The following NARS2 variants were observed in gnomAD, a reference collection of about 807,000 sequenced individuals.
NARS2 encodes the protein asparaginyl-tRNA synthetase.
Under a neutral mutation model 62.9 loss-of-function variants are expected in NARS2, and 60 were observed. That is an observed-to-expected ratio of 0.95 (90% CI 0.77 to 1.18). The LOEUF (loss-of-function observed/expected upper bound fraction) is 1.18, where lower values mean the gene tolerates loss of function less well. Ranked by LOEUF, NARS2 falls within the 50% of genes most tolerant of loss-of-function variation. The pLI is 0.00. For missense variants in NARS2, 619 were observed against 576.4 expected (o/e 1.07, Z -0.76); for synonymous variants, 196 against 200.0 (o/e 0.98, Z 0.17).
At chr11:78,567,754 G>T (rs572511888) in intron 3 of NARS2, among the ~76,000 whole-genome samples, 1 of 152,186 alleles carries the variant, frequency 6.6e-6, no homozygotes, top group Non-Finnish European at 1.5e-5. Flanking sequence ...TATACTGAAA[G>T]AATACACAAT....
At chr11:78,451,917 A>G (rs1014699931) in intron 11 of NARS2, among the ~76,000 whole-genome samples, 2 of 152,156 alleles carry the variant, frequency 1.3e-5, no homozygotes, top group African/African-American at 4.8e-5. Context: ...TGGCTGTTGC[A>G]TGCCAGGCTC....
At chr11:78,517,446 G>T (rs190080686) in intron 6 of NARS2, among the ~76,000 whole-genome samples, 24 of 152,278 alleles carry the variant, frequency 1.6e-4, no homozygotes, top group African/African-American at 5.8e-4. Flanking sequence ...TTTCACAAGA[G>T]CAATACTTTG....
intron 5 of NARS2, among the ~76,000 whole-genome samples, chr11:78,529,805 G>T (rs1590819092): frequency 6.6e-6 from 1 of 152,212 alleles, no homozygotes; most frequent in African/African-American, 2.4e-5. Flanking sequence ...GGATTTATAG[G>T]CATGAGTCCC....
intron 6 of NARS2, among the ~76,000 whole-genome samples, chr11:78,497,643 C>A (rs1565238185): frequency 6.6e-6 from 1 of 152,136 alleles, no homozygotes; most frequent in Non-Finnish European, 1.5e-5. Flanking sequence ...ATCTATTTTA[C>A]TACTGTTTTG....
rs767154137 is a variant in NARS2, at chr11:78,566,399, A to G, written c.373-127T>C. The G allele has an allele frequency of 2.1e-4, 149 of 696,936 alleles. 1 individual carries two copies. Among genetic ancestry groups the G allele is most frequent in the Non-Finnish European group, 2.9e-4 (132 of 460,690 alleles). The allele number at this position is 696,936 out of a possible 1,614,324, so 43.2% of individuals were successfully genotyped here. On this transcript the variant is annotated intron_variant, in intron 3 of 13. Coordinates refer to ENST00000281038, the MANE Select transcript of NARS2 (RefSeq NM_024678.6). ...AGATCCTTTCCTTCTTTATTTCTTA[A>G]TATAACTGATTTTAATCCACATTAT...
At chr11:78,527,473 T>C (rs565355138) in intron 6 of NARS2, among the ~76,000 whole-genome samples, 4 of 152,358 alleles carry the variant, frequency 2.6e-5, no homozygotes, top group South Asian at 4.1e-4. Context: ...TCTGCTAATA[T>C]TGCCAGTCAT....
intron 5 of NARS2, among the ~76,000 whole-genome samples, chr11:78,532,345 G>A (rs1267702281): frequency 1.3e-5 from 2 of 152,092 alleles, no homozygotes; most frequent in Non-Finnish European, 2.9e-5. Context: ...ACAAATGACA[G>A]ATTATGAATG....
intron 6 of NARS2, among the ~76,000 whole-genome samples, chr11:78,505,060 TAAA>T (rs1234952046): frequency 7.1e-6 from 1 of 140,716 alleles, no homozygotes; most frequent in African/African-American, 2.6e-5. Flanking sequence ...AATTTTGACT[TAAA>T]AAAAAAAAAA....
rs572784184 is a variant in NARS2, at chr11:78,507,008, GA to G, written c.690-13814del. Among the ~76,000 whole-genome samples, 14 of 152,132 alleles carry G rather than the reference GA, an allele frequency of 9.2e-5. No individual in the cohort carries two copies. The East Asian group carries it at 2.3e-3, about 25-fold the overall frequency. ...GGAGGCAGCTGTGCACGTCTTCCTG[GA>G]ACCCCGTGCACACAGCTTGAGGGAG... On this transcript the variant is annotated intron_variant, in intron 6 of 13. Transcript: ENST00000281038.
intron 5 of NARS2, among the ~76,000 whole-genome samples, chr11:78,535,537 A>G (rs1356980829): frequency 2.0e-5 from 3 of 152,064 alleles, no homozygotes; most frequent in African/African-American, 4.8e-5. Flanking sequence ...GTGTTTTGAT[A>G]TTGCAACAAA....
At chr11:78,505,269 T>TACAC (rs10533814) in intron 6 of NARS2, among the ~76,000 whole-genome samples, 353 of 133,414 alleles carry the variant, frequency 2.6e-3, no homozygotes, top group Admixed American at 4.8e-3. Context: ...GAAAACAAAA[T>TACAC]ACACACACAC....
rs376386023 is a variant in NARS2 at position 78,563,812 on chromosome 11, C to T, written c.513+2320G>A. 8.9e-3 allele frequency among the ~76,000 whole-genome samples: 638 copies of T among 71,982 alleles called. 15 individuals carry two copies. Among genetic ancestry groups the T allele is most frequent in the African/African-American group, 0.034 (623 of 18,516 alleles). 47.2% of individuals were successfully genotyped at this position (71,982 alleles called of 152,430 possible). ...TGCCACTGCACTCCAGCCTGGGCAA[C>T]AGAGTGAACTCTGTATCAAAAAAAA... On this transcript the variant is annotated intron_variant, in intron 4 of 13. Transcript: ENST00000281038.
At chr11:78,468,921 A>G (rs1430477726) in intron 10 of NARS2, among the ~76,000 whole-genome samples, 1 of 151,206 alleles carries the variant, frequency 6.6e-6, no homozygotes, top group Non-Finnish European at 1.5e-5. Flanking sequence ...CGTGAGCCCC[A>G]ACACCTGGTC....
At chr11:78,556,175 T>C (rs1856345946) in intron 5 of NARS2, among the ~76,000 whole-genome samples, 1 of 152,182 alleles carries the variant, frequency 6.6e-6, no homozygotes, top group Non-Finnish European at 1.5e-5. Context: ...AATTATCTGA[T>C]TCTTCTTACA....
chr11:78,439,761 T>A (rs1009172951), intron 13 of NARS2, among the ~76,000 whole-genome samples: 2 of 152,154 alleles, frequency 1.3e-5, no homozygotes, highest in African/African-American at 4.8e-5. Flanking sequence ...TTCCTCTTCC[T>A]GAGCACAGCA....
At chr11:78,503,468 C>T (rs1429098953) in intron 6 of NARS2, among the ~76,000 whole-genome samples, 1 of 152,120 alleles carries the variant, frequency 6.6e-6, no homozygotes, top group African/African-American at 2.4e-5. Context: ...GAACTCCTGA[C>T]CTCAGGTGAT....
intron 7 of NARS2, among the ~76,000 whole-genome samples, chr11:78,489,006 T>G (rs1331349021): frequency 6.6e-6 from 1 of 152,018 alleles, no homozygotes; most frequent in Non-Finnish European, 1.5e-5. Flanking sequence ...TAGACTTACA[T>G]GAAAAATGTA....
intron 6 of NARS2, among the ~76,000 whole-genome samples, chr11:78,515,986 G>GT (rs1860896332): frequency 6.6e-6 from 1 of 152,098 alleles, no homozygotes; most frequent in Non-Finnish European, 1.5e-5. Flanking sequence ...TGTCTTCCCT[G>GT]TACTAAACAT....
chr11:78,436,621 G>T lies in NARS2; in HGVS notation c.*49C>A. The T allele has an allele frequency of 6.3e-7, 1 of 1,599,798 alleles. No homozygotes were observed. Among genetic ancestry groups the T allele is most frequent in the Non-Finnish European group, 8.6e-7 (1 of 1,168,898 alleles). ...TGCATTCTGCTGTATGCACAATCATGTGCAGTGTCTCTGCCATGGGGGGTG... is the reference window on the plus strand; with the variant it reads ...TGCATTCTGCTGTATGCACAATCATTTGCAGTGTCTCTGCCATGGGGGGTG... On this transcript the variant is annotated 3_prime_UTR_variant, in exon 14 of 14. Transcript: ENST00000281038.
Sources: gnomAD v4.1 joint callset for allele counts (sites outside exome capture counted in the v4.1 genomes callset) on GRCh38, gnomAD v4.1.1 for gene constraint, MANE v1.5 for transcripts, NCBI Gene and HGNC (gene_info 2026-07-23, HGNC 2026-07-21) for gene names.